Variants in FAM117A observed in about 807,000 individuals in gnomAD.
FAM117A encodes the protein family with sequence similarity 117 member A.
In FAM117A, 21 loss-of-function variants were observed where a neutral mutation model predicts 44.1. The ratio of observed to expected loss-of-function variants is 0.48; its 90% CI spans 0.34 to 0.69. FAM117A has a LOEUF of 0.69. FAM117A is among the 30% of genes least tolerant of loss of function. The pLI is 0.01. For missense variants in FAM117A, 498 were observed against 589.9 expected, an observed-to-expected ratio of 0.84 and a Z score of 1.61; for synonymous variants, 220 against 238.3, an observed-to-expected ratio of 0.92 and a Z score of 0.71.
At chr17:49,734,714 A>G (rs1232192448) in intron 1 of FAM117A, among the ~76,000 whole-genome samples, 1 of 152,252 alleles carries the variant, frequency 6.6e-6, no homozygotes, top group Middle Eastern at 3.2e-3. Flanking sequence ...CTAGGTATAT[A>G]CCAACAAAGA....
chr17:49,724,531 A>AG (rs1416216499), intron 2 of FAM117A: 3 of 455,372 alleles, frequency 6.6e-6, no homozygotes, highest in Non-Finnish European at 1.3e-5. Flanking sequence ...AGGCTAGCAC[A>AG]GGACTTAAAA....
At chr17:49,713,808 T>C (rs1307610498) in intron 7 of FAM117A, among the ~76,000 whole-genome samples, 2 of 152,058 alleles carry the variant, frequency 1.3e-5, no homozygotes, top group Non-Finnish European at 2.9e-5. Flanking sequence ...ACCCAGCCAA[T>C]TACCATCTTA....
intron 5 of FAM117A, among the ~76,000 whole-genome samples, chr17:49,718,238 G>GTA (rs1487282044): frequency 1.3e-5 from 2 of 152,218 alleles, no homozygotes; most frequent in Non-Finnish European, 2.9e-5. Flanking sequence ...ATGTGTTTGG[G>GTA]TATATGTAAA....
At chr17:49,783,705 T>C (rs2073796932) in intron 1 of FAM117A, among the ~76,000 whole-genome samples, 1 of 152,156 alleles carries the variant, frequency 6.6e-6, no homozygotes, top group Admixed American at 6.5e-5. Context: ...TAATAGGAAT[T>C]ACGGTCACAT....
chr17:49,756,916 C>CA lies in FAM117A; in HGVS notation c.196+6975dup, dbSNP rs59004870. ...TGAGCTATAGAATGAGACTCTGCCTCAAAAAAAAAAAAAAAAAAGAGAGAG... is the reference window on the plus strand; with the variant it reads ...TGAGCTATAGAATGAGACTCTGCCTCAAAAAAAAAAAAAAAAAAAGAGAGAG... On this transcript the variant is annotated intron_variant, in intron 1 of 7. Coordinates refer to ENST00000240364, the MANE Select transcript of FAM117A (RefSeq NM_030802.4). Among the ~76,000 whole-genome samples, 338 of 109,904 alleles carry CA rather than the reference C, an allele frequency of 3.1e-3. 1 individual carries two copies. The highest frequency in any genetic ancestry group is 5.7e-3 in the Middle Eastern group (1 of 176). The allele number at this position is 109,904 out of a possible 152,430, so 72.1% of individuals were successfully genotyped here. A position where few individuals can be genotyped will look rare whatever the true frequency, so the allele number is the denominator to read the frequency against.
intron 1 of FAM117A, among the ~76,000 whole-genome samples, chr17:49,734,151 A>G (rs2143738241): frequency 6.6e-6 from 1 of 152,000 alleles, no homozygotes; most frequent in East Asian, 1.9e-4. Flanking sequence ...TCAAAAAAAA[A>G]AAAAAAAAGA....
At chr17:49,788,973 T>C (rs893589569), upstream of FAM117A, 5 of 895,068 alleles carry the variant, frequency 5.6e-6, no homozygotes, top group African/African-American at 5.3e-5. Flanking sequence ...CTTGTTCAGC[T>C]ACCCTCTCTT....
At chr17:49,777,982 T>C (rs1368208907) in intron 1 of FAM117A, among the ~76,000 whole-genome samples, 4 of 152,164 alleles carry the variant, frequency 2.6e-5, no homozygotes, top group Admixed American at 1.3e-4. Flanking sequence ...AGCTTAGAAT[T>C]TGGTCCTTCC....
At chr17:49,788,863 G>A (rs1598044108), upstream of FAM117A, 1 of 1,585,310 alleles carries the variant, frequency 6.3e-7, no homozygotes, top group East Asian at 2.3e-5. Context: ...AGAAACGGGA[G>A]AGGAGGGATG....
At chr17:49,711,867 G>T (rs1166355076) in intron 7 of FAM117A, among the ~76,000 whole-genome samples, 1 of 152,198 alleles carries the variant, frequency 6.6e-6, no homozygotes, top group Non-Finnish European at 1.5e-5. Context: ...ATCAGTGGCC[G>T]GGCACGGTGG....
At chr17:49,774,425 T>C (rs901113153) in intron 1 of FAM117A, among the ~76,000 whole-genome samples, 1 of 151,350 alleles carries the variant, frequency 6.6e-6, no homozygotes, top group Admixed American at 6.6e-5. Context: ...AATGGCGTGA[T>C]CTCAGCTCAC....
chr17:49,764,455 TATA>T (rs757904382), upstream of FAM117A, among the ~76,000 whole-genome samples: 5 of 140,940 alleles, frequency 3.5e-5, no homozygotes, highest in African/African-American at 5.0e-5. Context: ...AGTATGCAAA[TATA>T]ATGTCACGTG....
intron 7 of FAM117A, among the ~76,000 whole-genome samples, chr17:49,712,883 T>A (rs1415414604): frequency 6.6e-6 from 1 of 152,126 alleles, no homozygotes; most frequent in Non-Finnish European, 1.5e-5. Flanking sequence ...TTTAATTTTT[T>A]AATTGTTTTT....
intron 1 of FAM117A, among the ~76,000 whole-genome samples, chr17:49,738,662 T>C (rs1426499767): frequency 1.3e-5 from 2 of 152,240 alleles, no homozygotes; most frequent in Non-Finnish European, 2.9e-5. Context: ...GGCCATGAGA[T>C]GACAGAATTA....
At chr17:49,753,587 G>A (rs193191494) in intron 1 of FAM117A, among the ~76,000 whole-genome samples, 11 of 152,290 alleles carry the variant, frequency 7.2e-5, no homozygotes, top group African/African-American at 2.6e-4. Context: ...AGGCTGGGGC[G>A]GTTGGACCAC....
rs1243920988 is a variant in FAM117A, at chr17:49,711,433, C to A, written c.1184G>T (p.Gly395Val). The A allele has an allele frequency of 1.9e-6, 3 of 1,613,552 alleles. No individual in the cohort carries two copies. The highest frequency in any genetic ancestry group is 2.2e-5 in the East Asian group (1 of 44,872). ...NLMKPLFPGM[G>V]FIFRNCPSNP... ...TGAGGGGCAGTTACGGAAGATGAAG[C>A]CCATGCCGGGGAAGAGGGGCTTCAT... The change falls in exon 8 of 8, where the codon GGC (glycine) becomes GTC (valine). Residue 395 changes from glycine to valine, a missense_variant. Coordinates refer to ENST00000240364, the MANE Select transcript of FAM117A (RefSeq NM_030802.4).
At chr17:49,736,281 G>T (rs2073610514) in intron 1 of FAM117A, among the ~76,000 whole-genome samples, 1 of 150,508 alleles carries the variant, frequency 6.6e-6, no homozygotes, top group Admixed American at 6.6e-5. Context: ...TTTTGAGACG[G>T]AGTCACGCTT....
chr17:49,719,736 A>T, intron 5 of FAM117A, 24 bp downstream of exon 5: 7 of 1,539,810 alleles, frequency 4.5e-6, no homozygotes, highest in Non-Finnish European at 6.1e-6. Context: ...CTGTGGGTGC[A>T]CTCAGGGTGC....
intron 1 of FAM117A, among the ~76,000 whole-genome samples, chr17:49,754,981 T>C (rs534388238): frequency 2.1e-3 from 294 of 139,818 alleles, no homozygotes; most frequent in African/African-American, 7.2e-3. Flanking sequence ...GAGGTTGTGG[T>C]GAGCCGAGAT....
Sources: allele counts gnomAD v4.1 joint callset (sites outside exome capture counted in the v4.1 genomes callset), GRCh38; gene constraint gnomAD v4.1.1; transcripts MANE v1.5; gene names NCBI Gene and HGNC (gene_info 2026-07-23, HGNC 2026-07-21).